NBAS: variants seen among roughly 807,000 people sequenced by gnomAD.
NBAS encodes the protein NAG/BC035112 fusion.
NBAS carries 219 observed loss-of-function variants against 302.5 expected under a neutral mutation model. That is an observed-to-expected ratio of 0.72 (90% confidence interval 0.65 to 0.81). The LOEUF (loss-of-function observed/expected upper bound fraction) is 0.81, where lower values mean the gene tolerates loss of function less well. Ranked by LOEUF, NBAS falls within the 30% of genes least tolerant of loss-of-function variation. NBAS has a pLI of 0.00. For missense variants in NBAS, 2,932 were observed against 2,841.6 expected (o/e 1.03, Z -0.72); for synonymous variants, 1,118 against 1,021.6 (o/e 1.09, Z -1.80).
intron 38 of NBAS, among the ~76,000 whole-genome samples, chr2:15,326,815 A>C (rs1672090038): frequency 6.6e-6 from 1 of 152,180 alleles, no homozygotes; most frequent in South Asian, 2.1e-4. Context: ...CTAGTGTTCA[A>C]GGGACCCGCA....
chr2:15,277,856 G>C (rs1246234793), intron 42 of NBAS, among the ~76,000 whole-genome samples: 1 of 152,170 alleles, frequency 6.6e-6, no homozygotes, highest in South Asian at 2.1e-4. Context: ...TTGGTCTTGT[G>C]CTTCTCCCTG....
chr2:14,818,200 T>C, the NBAS span, among the ~76,000 whole-genome samples: 8 of 152,144 alleles, frequency 5.3e-5, no homozygotes, highest in African/African-American at 1.7e-4. Flanking sequence ...ACCTCCTACT[T>C]CGTGTCCAAT....
At chr2:15,432,780 G>A (rs1205982996) in intron 21 of NBAS, among the ~76,000 whole-genome samples, 1 of 152,140 alleles carries the variant, frequency 6.6e-6, no homozygotes, top group Non-Finnish European at 1.5e-5. Flanking sequence ...CACTGAACAA[G>A]TCAAATTGAT....
chr2:14,803,103 G>T, the NBAS span, among the ~76,000 whole-genome samples: 5 of 152,136 alleles, frequency 3.3e-5, no homozygotes, highest in Non-Finnish European at 5.9e-5. Flanking sequence ...TTTAAACTTT[G>T]TTAATCAGGA....
the NBAS span, among the ~76,000 whole-genome samples, chr2:14,784,142 T>C: frequency 6.6e-6 from 1 of 152,234 alleles, no homozygotes; most frequent in Non-Finnish European, 1.5e-5. Flanking sequence ...TCTGTTCATG[T>C]CCTTTGCCCA....
chr2:15,093,331 G>T, the NBAS span, among the ~76,000 whole-genome samples: 3 of 152,166 alleles, frequency 2.0e-5, no homozygotes, highest in East Asian at 5.8e-4. Flanking sequence ...CAGGAAAATC[G>T]CTTGAACCCG....
chr2:15,144,049 A>ATATATATATATATATTATCC, the NBAS span, among the ~76,000 whole-genome samples: 40 of 86,168 alleles, frequency 4.6e-4, 1 homozygote, highest in East Asian at 0.013. Flanking sequence ...ATATATAAAA[A>ATATATATATATATATTATCC]TATATATATA....
Position 15,493,497 on chromosome 2 carries a change from A to G in NBAS, c.955-4475T>C, listed in dbSNP as rs140346687. ...AGCCTGGTCAACATGGTAAAACCCC[A>G]TCTCTACAAAAATACAAAAATTAGC... On this transcript the variant is annotated intron_variant, in intron 11 of 51. Coordinates refer to ENST00000281513, the MANE Select transcript of NBAS (RefSeq NM_015909.4). Among the ~76,000 whole-genome samples the G allele has an allele frequency of 1.4e-3, 216 of 152,106 alleles. 1 individual carries two copies. The highest frequency in any genetic ancestry group is 3.4e-3 in the Middle Eastern group (1 of 294).
rs1302980508 is a variant in NBAS, at chr2:15,238,526, A to AGT, written c.5883_5884dup (p.Leu1962HisfsTer8). 11 of 1,614,106 alleles carry AGT rather than the reference A, an allele frequency of 6.8e-6. No homozygotes were observed. Among genetic ancestry groups the AGT allele is most frequent in the Non-Finnish European group, 9.3e-6 (11 of 1,180,054 alleles). ...GTGGCTCAGGGTTTCCAGGTGGGCAAGTGATTTCTCCAGATGATTCAAAGT... is the reference window on the plus strand; with the variant it reads ...GTGGCTCAGGGTTTCCAGGTGGGCAAGTGTGATTTCTCCAGATGATTCAAAGT... On this transcript the variant is annotated frameshift_variant, in exon 45 of 52. Transcript: ENST00000281513. LOFTEE classifies it high-confidence loss of function.
chr2:15,287,328 G>C, intron 41 of NBAS, 145 bp from the exon 42 acceptor site: 1 of 701,876 alleles, frequency 1.4e-6, no homozygotes. Flanking sequence ...CAGTGATCCA[G>C]GAAAAGTACT....
chr2:15,067,688 G>A, the NBAS span, among the ~76,000 whole-genome samples: 15 of 152,146 alleles, frequency 9.9e-5, no homozygotes, highest in Admixed American at 5.9e-4. Context: ...AGGGGGAAAC[G>A]TGAAGTTGCT....
Position 15,323,887 on chromosome 2 carries a change from C to A in NBAS, c.4582+3863G>T, listed in dbSNP as rs61553148. 2.6e-4 allele frequency among the ~76,000 whole-genome samples: 38 copies of A among 147,152 alleles called. No individual in the cohort carries two copies. The East Asian group carries it at 6.2e-3, about 24-fold the overall frequency. ...CAAAACAAAACAAAACAAAAAAACC[C>A]GGGCCCAACTCCACAGTTTCTGAAA... On this transcript the variant is annotated intron_variant, in intron 38 of 51. Coordinates refer to ENST00000281513, the MANE Select transcript of NBAS (RefSeq NM_015909.4).
intron 48 of NBAS, among the ~76,000 whole-genome samples, chr2:15,196,317 T>C (rs1479731581): frequency 6.6e-6 from 1 of 152,036 alleles, no homozygotes; most frequent in Non-Finnish European, 1.5e-5. Flanking sequence ...CACAAATGAG[T>C]ACAAGTAAAA....
chr2:15,301,271 T>C (rs1056088844), intron 40 of NBAS, among the ~76,000 whole-genome samples: 1 of 152,218 alleles, frequency 6.6e-6, no homozygotes, highest in African/African-American at 2.4e-5. Flanking sequence ...CAGAGTAACC[T>C]TGAGGAAGTA....
intron 7 of NBAS, 72 bp downstream of exon 7, chr2:15,539,151 C>G (rs779475643): frequency 1.9e-6 from 3 of 1,587,630 alleles, no homozygotes; most frequent in Admixed American, 1.7e-5. Flanking sequence ...CCCCTTCACA[C>G]TCTTTTATTC....
chr2:15,074,951 C>T, the NBAS span, among the ~76,000 whole-genome samples: 1 of 152,168 alleles, frequency 6.6e-6, no homozygotes, highest in African/African-American at 2.4e-5. Flanking sequence ...GAACAATACC[C>T]AGTGTTGGTT....
chr2:14,874,803 G>A, the NBAS span, among the ~76,000 whole-genome samples: 1 of 147,958 alleles, frequency 6.8e-6, no homozygotes, highest in African/African-American at 2.6e-5. Flanking sequence ...AGAATAATAG[G>A]TCATGACCAA....
At chr2:15,045,623 C>A in the NBAS span, among the ~76,000 whole-genome samples, 1 of 152,086 alleles carries the variant, frequency 6.6e-6, no homozygotes, top group Non-Finnish European at 1.5e-5. Flanking sequence ...TCAACAAACA[C>A]TTAGGTTGTT....
At chr2:15,103,668 T>C in the NBAS span, among the ~76,000 whole-genome samples, 1 of 152,142 alleles carries the variant, frequency 6.6e-6, no homozygotes, top group Non-Finnish European at 1.5e-5. Flanking sequence ...CAAACTAATA[T>C]TTCTATATCC....
Sources: allele counts gnomAD v4.1 joint callset (sites outside exome capture counted in the v4.1 genomes callset), GRCh38; gene constraint gnomAD v4.1.1; transcripts MANE v1.5; gene names NCBI Gene and HGNC (gene_info 2026-07-23, HGNC 2026-07-21).